The following CPB1 variants were observed in gnomAD, a reference collection of about 807,000 sequenced individuals.
The protein encoded by CPB1 is carboxypeptidase B1, also known as carboxypeptidase B.
A neutral mutation model predicts 51.4 loss-of-function variants in CPB1; 53 were observed. That is an observed-to-expected ratio of 1.03 (90% CI 0.83 to 1.30). The LOEUF (loss-of-function observed/expected upper bound fraction) is 1.30, where lower values mean the gene tolerates loss of function less well. CPB1 is among the 50% of genes most tolerant of loss of function. CPB1 has a pLI of 0.00. For missense variants in CPB1, 494 were observed against 516.2 expected (o/e 0.96, Z 0.42); for synonymous variants, 189 against 186.9 (o/e 1.01, Z -0.09).
intron 9 of CPB1, among the ~76,000 whole-genome samples, chr3:148,852,600 A>C (rs1032436617): frequency 3.9e-5 from 6 of 152,348 alleles, no homozygotes; most frequent in Admixed American, 3.3e-4. Context: ...GTGCAAGAGA[A>C]CCTACAAATC....
At position 148,857,484 on chromosome 3, in the gene CPB1, G is replaced by A; in HGVS notation, c.1009G>A (p.Glu337Lys). ...TGCCCTGGCTAAAGCTACTGTGAAA[G>A]AACTTGCCTCACTGCACGGCACCAA... The part of the protein sequence containing the change: ...LNALAKATVK[E>K]LASLHGTKYT... The change falls in exon 10 of 11, where the codon GAA becomes AAA. Residue 337 changes from glutamate to lysine, a missense_variant. By Grantham distance (56) the Glu-to-Lys change is moderately conservative. Transcript: ENST00000282957. 1.9e-6 allele frequency: 3 copies of A among 1,613,934 alleles called. No homozygotes were observed. Among genetic ancestry groups the A allele is most frequent in the Non-Finnish European group, 2.5e-6 (3 of 1,179,924 alleles).
chr3:148,835,112 TAGG>T (rs1408338571), intron 3 of CPB1, among the ~76,000 whole-genome samples: 1 of 152,148 alleles, frequency 6.6e-6, no homozygotes, highest in Non-Finnish European at 1.5e-5. Flanking sequence ...TCTCTAATGG[TAGG>T]AGAAGGCATG....
At chr3:148,839,854 C>T (rs1576569150) in intron 3 of CPB1, among the ~76,000 whole-genome samples, 1 of 152,102 alleles carries the variant, frequency 6.6e-6, no homozygotes, top group African/African-American at 2.4e-5. Flanking sequence ...GTACTGTGAT[C>T]AAGGATACTA....
At chr3:148,848,786 A>G (rs1308069928) in intron 9 of CPB1, among the ~76,000 whole-genome samples, 3 of 152,244 alleles carry the variant, frequency 2.0e-5, no homozygotes, top group East Asian at 3.8e-4. Context: ...GAAGTAAAGA[A>G]CAGGAAAAGT....
At chr3:148,840,610 C>A in intron 3 of CPB1, 76 bp from the exon 4 acceptor site, 3 of 1,240,362 alleles carry the variant, frequency 2.4e-6, no homozygotes, top group Non-Finnish European at 3.6e-6. Context: ...AAAGCAGTGG[C>A]TCTGGGGTTT....
At chr3:148,835,054 C>G (rs1436625934) in intron 3 of CPB1, among the ~76,000 whole-genome samples, 1 of 152,106 alleles carries the variant, frequency 6.6e-6, no homozygotes, top group East Asian at 1.9e-4. Context: ...AGTCTAGAGT[C>G]AGTCTGAATG....
At chr3:148,840,319 G>GATA (rs71135646) in intron 3 of CPB1, among the ~76,000 whole-genome samples, 6 of 152,008 alleles carry the variant, frequency 3.9e-5, no homozygotes, top group Non-Finnish European at 8.8e-5. Context: ...ACCAAAGATA[G>GATA]GTTTTGAGTA....
intron 3 of CPB1, chr3:148,838,397 A>C (rs1320369608): frequency 2.0e-5 from 3 of 151,928 alleles, no homozygotes; most frequent in Admixed American, 2.0e-4. Flanking sequence ...CGTTCCGAGA[A>C]GCTCATCCTT....
intron 10 of CPB1, among the ~76,000 whole-genome samples, chr3:148,859,599 A>G (rs1713690450): frequency 6.6e-6 from 1 of 152,246 alleles, no homozygotes; most frequent in African/African-American, 2.4e-5. Context: ...TATTAAACAC[A>G]TCATTTCTAC....
intron 2 of CPB1, 135 bp from the exon 3 acceptor site, chr3:148,834,363 A>G (rs1712829072): frequency 1.2e-6 from 1 of 863,510 alleles, no homozygotes; most frequent in Admixed American, 2.4e-5. Flanking sequence ...GTTCACTCAA[A>G]GGAAATATTT....
chr3:148,839,811 T>G (rs1236829201), intron 3 of CPB1, among the ~76,000 whole-genome samples: 1 of 152,184 alleles, frequency 6.6e-6, no homozygotes, highest in African/African-American at 2.4e-5. Flanking sequence ...AATAGAAATT[T>G]CTGCAAAGTG....
In CPB1 at chr3:148,837,717, C is replaced by A. The variant is rs1009050218; in HGVS notation, c.273-2969C>A. On this transcript the variant is annotated intron_variant, in intron 3 of 10. Coordinates refer to ENST00000282957, the MANE Select transcript of CPB1 (RefSeq NM_001871.3). ...GAAGGATCATTTGAGGTCAGTCCCCCGCCTTCAAGCAGAAGTCAGCAACAC... is the reference window on the plus strand; with the variant it reads ...GAAGGATCATTTGAGGTCAGTCCCCAGCCTTCAAGCAGAAGTCAGCAACAC... Among the ~76,000 whole-genome samples the A allele has an allele frequency of 4.6e-5, 7 of 151,742 alleles. No homozygotes were observed. The East Asian group carries it at 9.8e-4, about 21-fold the overall frequency.
chr3:148,840,632 A>G (rs1018893723), intron 3 of CPB1, 54 bp from the exon 4 acceptor site: 1 of 1,489,526 alleles, frequency 6.7e-7, no homozygotes, highest in Non-Finnish European at 9.4e-7. Flanking sequence ...ATGTGTGTTC[A>G]CTGGAGAAAA....
At chr3:148,833,946 A>G (rs9842791) in intron 2 of CPB1, among the ~76,000 whole-genome samples, 43,177 of 151,728 alleles carry the variant, frequency 0.28, 6,946 homozygotes, top group Non-Finnish European at 0.36. Context: ...ATTTGTCTCC[A>G]GCCACAGTGT....
At chr3:148,846,930 A>G (rs1207978841) in intron 9 of CPB1, among the ~76,000 whole-genome samples, 1 of 146,134 alleles carries the variant, frequency 6.8e-6, no homozygotes, top group Non-Finnish European at 1.5e-5. Context: ...TCTCCCAGAG[A>G]TGGGTGTGGT....
chr3:148,855,045 C>G (rs534942104), intron 9 of CPB1: 1 of 152,386 alleles, frequency 6.6e-6, no homozygotes, highest in Admixed American at 6.5e-5. Context: ...TCAGGAAAAT[C>G]TACCTCAGAA....
At chr3:148,852,984 G>A (rs1207111214) in intron 9 of CPB1, among the ~76,000 whole-genome samples, 1 of 152,072 alleles carries the variant, frequency 6.6e-6, no homozygotes, top group African/African-American at 2.4e-5. Flanking sequence ...TAGACCGTAA[G>A]GGCTTCTTCT....
chr3:148,844,717 C>A lies in CPB1; in HGVS notation c.728C>A (p.Ser243Tyr). The A allele has an allele frequency of 6.2e-7, 1 of 1,614,022 alleles. No homozygotes were observed. The highest frequency in any genetic ancestry group is 8.5e-7 in the Non-Finnish European group (1 of 1,179,886). Residue 243 changes from serine (S) to tyrosine (Y), a missense_variant, in exon 8 of 11, where the codon TCT becomes TAT. Coordinates refer to ENST00000282957, the MANE Select transcript of CPB1 (RefSeq NM_001871.3). ...WRKTRSTHTG[S>Y]SCIGTDPNRN... ...AAGACTCGCTCCACCCATACTGGATCTAGCTGCATTGGCACAGACCCCAAC... is the reference window on the plus strand; with the variant it reads ...AAGACTCGCTCCACCCATACTGGATATAGCTGCATTGGCACAGACCCCAAC...
chr3:148,834,903 G>C (rs1712851412), intron 3 of CPB1, among the ~76,000 whole-genome samples: 1 of 152,196 alleles, frequency 6.6e-6, no homozygotes, highest in Admixed American at 6.5e-5. Context: ...AATGTATAGA[G>C]TACAGGCCTA....
Sources: gnomAD v4.1 joint callset for allele counts (sites outside exome capture counted in the v4.1 genomes callset) on GRCh38, gnomAD v4.1.1 for gene constraint, MANE v1.5 for transcripts, NCBI Gene and HGNC (gene_info 2026-07-23, HGNC 2026-07-21) for gene names.